Variants in ZNF335 observed in about 807,000 individuals in gnomAD.
The protein encoded by ZNF335 is zinc finger protein 335.
In ZNF335, 84 loss-of-function variants were observed where a neutral mutation model predicts 145.6. The observed-to-expected ratio is 0.58, with a 90% CI of 0.48 to 0.69. ZNF335 has a LOEUF of 0.69. ZNF335 is among the 30% of genes least tolerant of loss of function. The pLI is 0.00. For synonymous variants in ZNF335, 761 were observed against 717.0 expected (o/e 1.06, Z -0.98); for missense variants, 1,865 against 1,809.7 (o/e 1.03, Z -0.55).
chr20:45,952,317 A>G lies in ZNF335; in HGVS notation c.3019T>C (p.Ser1007Pro), dbSNP rs1568807126. 1 of 1,613,464 alleles carries G rather than the reference A, an allele frequency of 6.2e-7. No homozygotes were observed. Among genetic ancestry groups the G allele is most frequent in the Admixed American group, 1.7e-5 (1 of 60,008 alleles). ...SKALGLAVPP[S>P]PPSAATAASK... ...GCAGCAGTGGCTGCAGATGGCGGTG[A>G]CGGGGGCACTGCCAGGCCCAGGGCT... The change falls in exon 20 of 28, where the codon TCA becomes CCA. Residue 1007 changes from serine to proline, a missense_variant. By Grantham distance (74) the Ser-to-Pro change is moderately conservative. Transcript: ENST00000322927.
chr20:45,962,044 CAGGT>C, intron 10 of ZNF335, 22 bp downstream of exon 10: 3 of 1,562,446 alleles, frequency 1.9e-6, no homozygotes, highest in Non-Finnish European at 2.6e-6. Flanking sequence ...CTCTCTTGCC[CAGGT>C]CCCTCCCACC....
Position 45,969,999 on chromosome 20 carries a change from A to C in ZNF335, c.202-308T>G. ...GCATAAATCGTTCCCTCTGCCTGAAACTCTTCCCAGCATCACCCTATGGCT... is the reference window on the plus strand; with the variant it reads ...GCATAAATCGTTCCCTCTGCCTGAACCTCTTCCCAGCATCACCCTATGGCT... On this transcript the variant is annotated intron_variant, in intron 2 of 27. Coordinates refer to ENST00000322927, the MANE Select transcript of ZNF335 (RefSeq NM_022095.4). 2.2e-5 allele frequency: 6 copies of C among 271,992 alleles called. No homozygotes were observed. The South Asian group carries it at 2.8e-4, about 13-fold the overall frequency. The allele number at this position is 271,992 out of a possible 1,614,324, so 16.8% of individuals were successfully genotyped here.
Position 45,949,530 on chromosome 20 carries a change from C to G in ZNF335, c.3708G>C (p.Leu1236=), listed in dbSNP as rs1568802889. 6.2e-7 allele frequency: 1 copy of G among 1,613,106 alleles called. No homozygotes were observed. The highest frequency in any genetic ancestry group is 8.5e-7 in the Non-Finnish European group (1 of 1,179,840). ...GGACCACAACATATTCCTGGGGGAG[C>G]AGGTGCTGGACACCATCCTGGGAGA... The part of the protein sequence containing the change: ...YIISQDGVQH[L]LPQEYVVVPE... Residue 1236 remains leucine, a synonymous_variant, in exon 25 of 28, where the codon CTG becomes CTC. Coordinates refer to ENST00000322927, the MANE Select transcript of ZNF335 (RefSeq NM_022095.4).
chr20:45,960,382 G>A lies in ZNF335; in HGVS notation c.1860-14C>T, dbSNP rs760384486. 1 of 1,614,120 alleles carries A rather than the reference G, an allele frequency of 6.2e-7. No individual in the cohort carries two copies. Among genetic ancestry groups the A allele is most frequent in the African/African-American group, 1.3e-5 (1 of 74,956 alleles). On this transcript the variant is annotated splice_polypyrimidine_tract_variant and intron_variant, in intron 13 of 27. Coordinates refer to ENST00000322927, the MANE Select transcript of ZNF335 (RefSeq NM_022095.4). The stretch of plus-strand genomic sequence containing the variant: ...TCACACTTGAACCTGGAGGCGGTTA[G>A]AGGGAGGGAAGCTCAGTAATGAGCT...
In ZNF335 at chr20:45,960,808, C is replaced by T. The variant is rs977092095; in HGVS notation, c.1665+56G>A. ...GATAAAACCTCCCCTCTTGTCCTCA[C>T]CCCCATAAACAACCCCCGGGCAGGT... On this transcript the variant is annotated intron_variant, in intron 11 of 27. Transcript: ENST00000322927. 2.0e-5 allele frequency: 32 copies of T among 1,613,490 alleles called. No homozygotes were observed. In the African/African-American group the frequency reaches 3.9e-4, roughly 20 times the overall value.
intron 17 of ZNF335, 119 bp from the exon 18 acceptor site, chr20:45,954,067 G>A: frequency 8.0e-7 from 1 of 1,245,640 alleles, no homozygotes; most frequent in Non-Finnish European, 1.1e-6. Flanking sequence ...GACCAGTGCT[G>A]CCACCACTCA....
Position 45,964,003 on chromosome 20 carries a change from TGCCAGGTCACAA to T in ZNF335, c.1103-25_1103-14del. ...TCTCCTTCCACACCTGCCACGGACA[TGCCAGGTCACAA>T]GCCAGCCACTGACACACCAGGACAG... is the stretch of plus-strand genomic sequence containing the variant. On this transcript the variant is annotated splice_polypyrimidine_tract_variant and intron_variant, in intron 7 of 27. Transcript: ENST00000322927. The T allele has an allele frequency of 6.6e-7, 1 of 1,513,614 alleles. No individual in the cohort carries two copies. The highest frequency in any genetic ancestry group is 8.8e-7 in the Non-Finnish European group (1 of 1,133,168). The allele number at this position is 1,513,614 out of a possible 1,614,324, so 93.8% of individuals were successfully genotyped here.
Position 45,959,311 on chromosome 20 carries a change from C to A in ZNF335, c.2143G>T (p.Glu715Ter). 6.3e-7 allele frequency: 1 copy of A among 1,576,448 alleles called. No individual in the cohort carries two copies. The highest frequency in any genetic ancestry group is 1.1e-5 in the South Asian group (1 of 87,070). The part of the protein sequence containing the change: ...FEEWGRRHPE[E>*]PPSRRRPFFS... Reference sequence around the variant, plus strand: ...AAGGGGCGACGGCGGGAGGGGGGCTCCTCAGGGTGGCGCCTCCCCCATTCC... The same window carrying A: ...AAGGGGCGACGGCGGGAGGGGGGCTACTCAGGGTGGCGCCTCCCCCATTCC... The change falls in exon 15 of 28, where the codon GAG becomes TAG. Residue 715 changes from glutamate to a stop codon, truncating the protein, a stop_gained. Coordinates refer to ENST00000322927, the MANE Select transcript of ZNF335 (RefSeq NM_022095.4). LOFTEE classifies it high-confidence loss of function.
chr20:45,963,742 G>A lies in ZNF335; in HGVS notation c.1351C>T (p.Arg451Cys), dbSNP rs148130868. 48 of 1,614,006 alleles carry A rather than the reference G, an allele frequency of 3.0e-5. No homozygotes were observed. The highest frequency in any genetic ancestry group is 4.0e-5 in the African/African-American group (3 of 74,934). Residue 451 changes from arginine to cysteine, a missense_variant, in exon 8 of 28, where the codon CGC becomes TGC. Transcript: ENST00000322927. ...CCTCACCTCTGCTCCACATACTTGCGGTATTTCTTGCCTAGGAAGCGCCTG... is the reference window on the plus strand; with the variant it reads ...CCTCACCTCTGCTCCACATACTTGCAGTATTTCTTGCCTAGGAAGCGCCTG... ...PSRRFLGKKY[R>C]KYYYKSPKPL...
At position 45,949,887 on chromosome 20, in the gene ZNF335, C is replaced by T; in HGVS notation, c.3592-10G>A. 1 of 1,614,158 alleles carries T rather than the reference C, an allele frequency of 6.2e-7. No individual in the cohort carries two copies. Among genetic ancestry groups the T allele is most frequent in the East Asian group, 2.2e-5 (1 of 44,882 alleles). ...TGTAGGCGGCTTCCTCCTGCCAGGA[C>T]CAAGACAGCTCTAGCCTCATTTCTC... is the stretch of plus-strand genomic sequence containing the variant. On this transcript the variant is annotated splice_polypyrimidine_tract_variant and intron_variant, in intron 23 of 27. Transcript: ENST00000322927.
rs145239338 is a variant in ZNF335 at position 45,963,575 on chromosome 20, G to A, written c.1431C>T (p.His477=). 17 of 1,614,108 alleles carry A rather than the reference G, an allele frequency of 1.1e-5. No individual in the cohort carries two copies. In the East Asian group the frequency reaches 2.0e-4, roughly 19 times the overall value. The change falls in exon 9 of 28, where the codon CAC becomes CAT. Residue 477 remains histidine (H), a synonymous_variant. Transcript: ENST00000322927. ...AGTTGACGTGGAAGCGCAGGTCCTC[G>A]TGGGACAGAAAGCGAGAACCACAGA... ...CRICGSRFLS[H]EDLRFHVNSH...
Position 45,959,773 on chromosome 20 carries a change from C to CA in ZNF335, c.2021-341dup, listed in dbSNP as rs537026823. 1.8e-3 allele frequency among the ~76,000 whole-genome samples: 279 copies of CA among 152,296 alleles called. 2 individuals carry two copies. Among genetic ancestry groups the CA allele is most frequent in the African/African-American group, 6.5e-3 (269 of 41,560 alleles). On this transcript the variant is annotated intron_variant, in intron 14 of 27. Transcript: ENST00000322927. ...ACCAGGGAGCTAGGCACCAAAGAAA[C>CA]AATGTTTGCAGTGCAGCTTCTGTGG... is the stretch of plus-strand genomic sequence containing the variant.
Position 45,948,801 on chromosome 20 carries a change from C to A in ZNF335, c.*152G>T. 7.7e-7 allele frequency: 1 copy of A among 1,302,886 alleles called. No individual in the cohort carries two copies. The highest frequency in any genetic ancestry group is 2.3e-5 in the East Asian group (1 of 42,564). 80.7% of individuals were successfully genotyped at this position (1,302,886 alleles called of 1,614,324 possible). A position where few individuals can be genotyped will look rare whatever the true frequency, so the allele number is the denominator to read the frequency against. ...GCTGGGGCCCATGGCTGCCCCTAACCCCAACAGCACAGGTCTGGCTCCCTG... is the reference window on the plus strand; with the variant it reads ...GCTGGGGCCCATGGCTGCCCCTAACACCAACAGCACAGGTCTGGCTCCCTG... On this transcript the variant is annotated 3_prime_UTR_variant, in exon 28 of 28. Transcript: ENST00000322927.
Position 45,959,381 on chromosome 20 carries a change from C to A in ZNF335, c.2073G>T (p.Lys691Asn). Residue 691 changes from lysine (K) to asparagine (N), a missense_variant, in exon 15 of 28, where the codon AAG becomes AAT. Physicochemically the swap from Lys to Asn is moderately conservative, Grantham distance 94 (BLOSUM62 0). Transcript: ENST00000322927. ...EYCHFSTRHK[K>N]NLRLHVRCRH... ...GGCACCGTACGTGCAGGCGCAGGTT[C>A]TTCTTGTGCCGTGTGCTGAAGTGGC... The A allele has an allele frequency of 1.3e-6, 2 of 1,562,120 alleles. No homozygotes were observed. Among genetic ancestry groups the A allele is most frequent in the Middle Eastern group, 1.7e-4 (1 of 5,900 alleles).
In ZNF335 at chr20:45,967,999, A is replaced by T; in HGVS notation, c.549T>A (p.Ser183Arg). 5.6e-6 allele frequency: 9 copies of T among 1,612,644 alleles called. No individual in the cohort carries two copies. Among genetic ancestry groups the T allele is most frequent in the Non-Finnish European group, 7.6e-6 (9 of 1,180,012 alleles). ...CTGCTAGGCTGTGGGCCAAGGTGGA[A>T]CTGGACATTGGTGATGTCATGGGGG... ...DGAPMTSPMS[S>R]STLAHSLAAI... The change falls in exon 5 of 28, where the codon AGT becomes AGA. Residue 183 changes from serine (S) to arginine (R), a missense_variant. Ser to Arg is a moderately radical substitution (Grantham distance 110). Coordinates refer to ENST00000322927, the MANE Select transcript of ZNF335 (RefSeq NM_022095.4).
intron 18 of ZNF335, 101 bp from the exon 19 acceptor site, chr20:45,952,810 G>A: frequency 9.4e-7 from 1 of 1,061,704 alleles, no homozygotes; most frequent in Non-Finnish European, 1.4e-6. Context: ...ACCACAGATG[G>A]ACTCAAGTCA....
In ZNF335 at chr20:45,963,630, T is replaced by A; in HGVS notation, c.1376A>T (p.Lys459Ile). 3 of 1,614,182 alleles carry A rather than the reference T, an allele frequency of 1.9e-6. No homozygotes were observed. The highest frequency in any genetic ancestry group is 2.5e-6 in the Non-Finnish European group (3 of 1,180,022). ...KYRKYYYKSP[K>I]PLLRPFLCRI... ...GCACAGGAAGGGCCTCAAAAGTGGT[T>A]TGGGCGACTTGTAATAGTACCTGCA... Residue 459 changes from lysine to isoleucine, a missense_variant, in exon 9 of 28, where the codon AAA becomes ATA. By Grantham distance (102) the Lys-to-Ile change is moderately radical (BLOSUM62 -3). Coordinates refer to ENST00000322927, the MANE Select transcript of ZNF335 (RefSeq NM_022095.4).
At chr20:45,967,170 G>A in intron 6 of ZNF335, 1 of 301,382 alleles carries the variant, frequency 3.3e-6, no homozygotes, top group East Asian at 6.6e-5. Flanking sequence ...TTGAACTCAG[G>A]AATTCAAGGT....
At position 45,952,533 on chromosome 20, in the gene ZNF335, CAGGG is replaced by C. The variant is rs750377047; in HGVS notation, c.2815-16_2815-13del. On this transcript the variant is annotated splice_polypyrimidine_tract_variant and intron_variant, in intron 19 of 27. Coordinates refer to ENST00000322927, the MANE Select transcript of ZNF335 (RefSeq NM_022095.4). ...CCATCTGCGGTGAGCTGTAGAGAGA[CAGGG>C]AGCATGAGGTACTGAGAAGGGGAGG... 4.4e-6 allele frequency: 7 copies of C among 1,599,178 alleles called. No individual in the cohort carries two copies. In the East Asian group the frequency reaches 6.7e-5, roughly 15 times the overall value.
Sources: gnomAD v4.1 joint callset for allele counts (sites outside exome capture counted in the v4.1 genomes callset) on GRCh38, gnomAD v4.1.1 for gene constraint, MANE v1.5 for transcripts, NCBI Gene and HGNC (gene_info 2026-07-23, HGNC 2026-07-21) for gene names.